Variants in JAZF1 observed in about 807,000 individuals in gnomAD.
JAZF1 encodes juxtaposed with another zinc finger protein 1.
Under a neutral mutation model 26.4 loss-of-function variants are expected in JAZF1, and 8 were observed. The ratio of observed to expected loss-of-function variants is 0.30; its 90% CI spans 0.18 to 0.55. The LOEUF is 0.55. JAZF1 is among the 20% of genes least tolerant of loss of function. The pLI is 0.94. For synonymous variants in JAZF1, 126 were observed against 122.3 expected (o/e 1.03, Z -0.20); for missense variants, 199 against 322.0 (o/e 0.62, Z 2.92).
chr7:27,882,738 G>C (rs1783794326), intron 3 of JAZF1, among the ~76,000 whole-genome samples: 1 of 152,196 alleles, frequency 6.6e-6, no homozygotes, highest in African/African-American at 2.4e-5. Flanking sequence ...GAGCCACATG[G>C]AAAAGACATT....
intron 1 of JAZF1, among the ~76,000 whole-genome samples, chr7:28,165,883 CTG>C (rs1276437045): frequency 6.6e-6 from 1 of 152,176 alleles, no homozygotes; most frequent in Admixed American, 6.5e-5. Context: ...GAGGCTTTAA[CTG>C]TGTAGTTCAC....
chr7:28,009,731 C>T (rs555029261), intron 1 of JAZF1, among the ~76,000 whole-genome samples: 39 of 152,326 alleles, frequency 2.6e-4, no homozygotes, highest in South Asian at 2.1e-3. Context: ...GATCTGCCTG[C>T]CTCAGCCTCC....
At chr7:27,978,400 T>C (rs1785512947) in intron 2 of JAZF1, among the ~76,000 whole-genome samples, 1 of 152,230 alleles carries the variant, frequency 6.6e-6, no homozygotes, top group South Asian at 2.1e-4. Context: ...CTGAGCAGGT[T>C]ATGAGTAGTT....
At chr7:27,954,655 A>G (rs1785057954) in intron 2 of JAZF1, among the ~76,000 whole-genome samples, 1 of 152,186 alleles carries the variant, frequency 6.6e-6, no homozygotes, top group African/African-American at 2.4e-5. Flanking sequence ...CAAATGTGTG[A>G]AGGTTGAGGC....
chr7:27,943,433 G>A (rs935493371), intron 2 of JAZF1, among the ~76,000 whole-genome samples: 1 of 152,162 alleles, frequency 6.6e-6, no homozygotes. Flanking sequence ...GCCCAGATGC[G>A]GGTCTCTCAC....
intron 1 of JAZF1, among the ~76,000 whole-genome samples, chr7:28,058,109 G>T (rs1185693645): frequency 6.6e-6 from 1 of 152,124 alleles, no homozygotes; most frequent in Non-Finnish European, 1.5e-5. Flanking sequence ...AGTGTGTGAG[G>T]GGCTGGGGAA....
chr7:28,089,128 A>G (rs1784253902), intron 1 of JAZF1, among the ~76,000 whole-genome samples: 1 of 152,252 alleles, frequency 6.6e-6, no homozygotes, highest in Non-Finnish European at 1.5e-5. Flanking sequence ...AAACAATAAT[A>G]GTACTGAATA....
chr7:27,950,000 AT>A (rs1375418636), intron 2 of JAZF1, among the ~76,000 whole-genome samples: 2 of 152,106 alleles, frequency 1.3e-5, no homozygotes, highest in Non-Finnish European at 2.9e-5. Context: ...TCAGACCTAA[AT>A]TAGAGAGATA....
intron 2 of JAZF1, among the ~76,000 whole-genome samples, chr7:27,976,957 T>C (rs1159543065): frequency 1.3e-5 from 2 of 151,068 alleles, no homozygotes; most frequent in Non-Finnish European, 3.0e-5. Flanking sequence ...CACATTCTGG[T>C]AGAAGGAGGA....
chr7:27,960,288 A>C (rs1176289204), intron 2 of JAZF1, among the ~76,000 whole-genome samples: 1 of 152,240 alleles, frequency 6.6e-6, no homozygotes. Flanking sequence ...CAGTAGTGAG[A>C]ATTTACTCCT....
intron 1 of JAZF1, among the ~76,000 whole-genome samples, chr7:28,105,131 A>G (rs545647086): frequency 6.6e-6 from 1 of 152,254 alleles, no homozygotes; most frequent in South Asian, 2.1e-4. Context: ...TTTTAGAGAC[A>G]CCAAACAGAA....
chr7:28,159,691 TG>T, intron 1 of JAZF1, among the ~76,000 whole-genome samples: 1 of 152,248 alleles, frequency 6.6e-6, no homozygotes, highest in South Asian at 2.1e-4. Context: ...GCTGCAGCAC[TG>T]GGAGATGGGG....
intron 2 of JAZF1, among the ~76,000 whole-genome samples, chr7:27,909,541 C>A (rs980328411): frequency 2.6e-5 from 4 of 151,932 alleles, no homozygotes; most frequent in African/African-American, 9.7e-5. Flanking sequence ...ACCCCCATCT[C>A]TACTAAAAAT....
At chr7:28,158,113 C>A (rs2127950660) in intron 1 of JAZF1, among the ~76,000 whole-genome samples, 1 of 151,286 alleles carries the variant, frequency 6.6e-6, no homozygotes, top group Non-Finnish European at 1.5e-5. Context: ...GCACTCTGGG[C>A]CTAGGGAGAA....
At chr7:28,007,393 AC>A (rs1010621021) in intron 1 of JAZF1, among the ~76,000 whole-genome samples, 63 of 152,240 alleles carry the variant, frequency 4.1e-4, no homozygotes, top group African/African-American at 1.4e-3. Flanking sequence ...ACATGGTGAA[AC>A]CCTGTCTCTA....
intron 1 of JAZF1, among the ~76,000 whole-genome samples, chr7:28,126,230 A>C (rs531023958): frequency 6.6e-6 from 1 of 152,332 alleles, no homozygotes; most frequent in South Asian, 2.1e-4. Context: ...CTCATGCAAC[A>C]AATATTTATT....
intron 3 of JAZF1, among the ~76,000 whole-genome samples, chr7:27,866,554 C>T (rs1053426378): frequency 4.6e-5 from 7 of 152,296 alleles, no homozygotes; most frequent in African/African-American, 1.7e-4. Context: ...AGGTTGACTT[C>T]CAGCACACAG....
chr7:27,989,291 A>G (rs1182516984), intron 2 of JAZF1, among the ~76,000 whole-genome samples: 1 of 152,240 alleles, frequency 6.6e-6, no homozygotes, highest in Non-Finnish European at 1.5e-5. Context: ...AATTAATTCA[A>G]GATGGATTAA....
intron 1 of JAZF1, among the ~76,000 whole-genome samples, chr7:28,029,728 A>T (rs1310178460): frequency 2.6e-5 from 4 of 152,250 alleles, no homozygotes; most frequent in African/African-American, 9.6e-5. Context: ...AATTATTTAA[A>T]AGCTTGAAAA....
Sources: allele counts gnomAD v4.1 joint callset (sites outside exome capture counted in the v4.1 genomes callset), GRCh38; gene constraint gnomAD v4.1.1; transcripts MANE v1.5; gene names NCBI Gene and HGNC (gene_info 2026-07-23, HGNC 2026-07-21).